RASGRF1: variants seen among roughly 807,000 people sequenced by gnomAD.
RASGRF1 encodes Ras protein specific guanine nucleotide releasing factor 1, also known as ras-specific guanine nucleotide-releasing factor 1.
A neutral mutation model predicts 138.7 loss-of-function variants in RASGRF1; 40 were observed. The observed-to-expected ratio is 0.29, with a 90% CI of 0.22 to 0.38. The LOEUF is 0.38. Among genes scored for constraint, RASGRF1 ranks in the 10% least tolerant of loss-of-function variants. The probability of loss-of-function intolerance (pLI) is 1.00; values close to 1 mark genes in which losing one functional copy is unlikely to be tolerated. For missense variants in RASGRF1, 1,108 were observed against 1,650.4 expected (o/e 0.67, Z 5.69); for synonymous variants, 614 against 663.2 (o/e 0.93, Z 1.14).
intron 5 of RASGRF1, among the ~76,000 whole-genome samples, chr15:79,040,863 T>C (rs149882022): frequency 3.9e-5 from 6 of 152,360 alleles, no homozygotes; most frequent in African/African-American, 1.4e-4. Context: ...CCCTTGAAGA[T>C]GGAATACCTG....
chr15:78,992,845 C>T (rs2056298764), intron 20 of RASGRF1, among the ~76,000 whole-genome samples: 2 of 152,244 alleles, frequency 1.3e-5, no homozygotes, highest in Admixed American at 6.5e-5. Flanking sequence ...CCCTTCCTCC[C>T]ATTTCCTCCA....
At chr15:79,013,634 G>C (rs1026454851) in intron 13 of RASGRF1, among the ~76,000 whole-genome samples, 11 of 152,240 alleles carry the variant, frequency 7.2e-5, no homozygotes, top group African/African-American at 2.4e-4. Context: ...GAGTCCTAGC[G>C]TGCACCAGAT....
At chr15:78,976,969 G>A (rs2055885334) in intron 24 of RASGRF1, among the ~76,000 whole-genome samples, 2 of 152,196 alleles carry the variant, frequency 1.3e-5, no homozygotes, top group Non-Finnish European at 2.9e-5. Flanking sequence ...GCAAGGCCTC[G>A]CTGTCGCACT....
chr15:78,995,717 G>C (rs937627811), intron 20 of RASGRF1, 23 bp downstream of exon 20: 1 of 1,613,882 alleles, frequency 6.2e-7, no homozygotes, highest in Non-Finnish European at 8.5e-7. Context: ...GCCTTGGAAA[G>C]CAAGAGGGCA....
At chr15:79,029,576 G>A (rs1459383376) in intron 8 of RASGRF1, among the ~76,000 whole-genome samples, 2 of 152,104 alleles carry the variant, frequency 1.3e-5, no homozygotes, top group African/African-American at 4.8e-5. Context: ...CCCTGGAAAT[G>A]ATGATTTGGG....
chr15:78,978,397 G>T, intron 24 of RASGRF1: 1 of 550,280 alleles, frequency 1.8e-6, no homozygotes, highest in Non-Finnish European at 2.3e-6. Context: ...GCTAATTTTT[G>T]TATTTTCAGT....
intron 8 of RASGRF1, among the ~76,000 whole-genome samples, chr15:79,029,739 G>A (rs185942456): frequency 4.9e-4 from 74 of 152,254 alleles, no homozygotes; most frequent in Middle Eastern, 3.4e-3. Context: ...GAATTAAAGG[G>A]ATGCTGTCAT....
intron 15 of RASGRF1, among the ~76,000 whole-genome samples, chr15:79,002,414 G>C (rs1258579017): frequency 6.6e-6 from 1 of 152,096 alleles, no homozygotes; most frequent in East Asian, 1.9e-4. Flanking sequence ...ACTGCTCTGG[G>C]CCTCAGTTTA....
intron 5 of RASGRF1, among the ~76,000 whole-genome samples, chr15:79,038,227 A>G (rs974127628): frequency 1.3e-5 from 2 of 152,190 alleles, no homozygotes; most frequent in Non-Finnish European, 2.9e-5. Context: ...CTGCCATGGC[A>G]AGAGTTAGGC....
chr15:78,971,686 ACAGGCC>A (rs1162963804), intron 26 of RASGRF1, among the ~76,000 whole-genome samples, 174 bp downstream of exon 26: 1 of 152,246 alleles, frequency 6.6e-6, no homozygotes, highest in East Asian at 1.9e-4. Context: ...CAAGATGAAC[ACAGGCC>A]CAATTTGAAG....
intron 23 of RASGRF1, chr15:78,984,347 G>A (rs2056102066): frequency 6.5e-6 from 1 of 153,284 alleles, no homozygotes; most frequent in Admixed American, 6.5e-5. Context: ...GTGCCTCATT[G>A]TCCTCTCCTA....
At chr15:78,977,497 T>G (rs2055897632) in intron 24 of RASGRF1, among the ~76,000 whole-genome samples, 1 of 152,136 alleles carries the variant, frequency 6.6e-6, no homozygotes, top group Non-Finnish European at 1.5e-5. Flanking sequence ...TGCTCTGTGG[T>G]CACAGGCAGA....
intron 1 of RASGRF1, among the ~76,000 whole-genome samples, chr15:79,081,716 C>T (rs1419015826): frequency 1.3e-5 from 2 of 152,156 alleles, no homozygotes; most frequent in Non-Finnish European, 2.9e-5. Flanking sequence ...GCTGTCCCCT[C>T]GCTGTATGGC....
intron 14 of RASGRF1, chr15:79,004,947 C>G: frequency 1.6e-5 from 16 of 984,798 alleles, no homozygotes; most frequent in Non-Finnish European, 1.8e-5. Flanking sequence ...TTAAGGGACT[C>G]AGCCAAGGCC....
intron 5 of RASGRF1, among the ~76,000 whole-genome samples, chr15:79,037,394 G>C (rs1265386068): frequency 6.6e-6 from 1 of 152,046 alleles, no homozygotes; most frequent in Non-Finnish European, 1.5e-5. Context: ...GTGCGGTGGG[G>C]AGATGGTTTC....
chr15:78,977,767 T>A (rs947112217), intron 24 of RASGRF1, among the ~76,000 whole-genome samples: 4 of 152,242 alleles, frequency 2.6e-5, no homozygotes, highest in African/African-American at 9.6e-5. Flanking sequence ...AATCAAGGGC[T>A]TCCTATTCAA....
intron 26 of RASGRF1, 60 bp from the exon 27 acceptor site, chr15:78,962,296 G>T: frequency 8.2e-7 from 1 of 1,224,826 alleles, no homozygotes; most frequent in Non-Finnish European, 1.2e-6. Context: ...AGTACTGATT[G>T]TGGATGCACT....
At chr15:79,000,803 C>T (rs1433573843) in intron 16 of RASGRF1, among the ~76,000 whole-genome samples, 1 of 152,192 alleles carries the variant, frequency 6.6e-6, no homozygotes, top group Non-Finnish European at 1.5e-5. Flanking sequence ...TTCTGTGTGT[C>T]TGAGCAGCTG....
At chr15:78,987,664 C>A (rs2141648114) in intron 22 of RASGRF1, among the ~76,000 whole-genome samples, 1 of 152,158 alleles carries the variant, frequency 6.6e-6, no homozygotes, top group East Asian at 1.9e-4. Flanking sequence ...CTACTGCACT[C>A]CAGCCTGGGC....
Sources: gnomAD v4.1 joint callset for allele counts (sites outside exome capture counted in the v4.1 genomes callset) on GRCh38, gnomAD v4.1.1 for gene constraint, MANE v1.5 for transcripts, NCBI Gene and HGNC (gene_info 2026-07-23, HGNC 2026-07-21) for gene names.